Variants in VSTM2A observed in about 807,000 individuals in gnomAD.
The protein encoded by VSTM2A is V-set and transmembrane domain containing 2A.
Under a neutral mutation model 27.3 loss-of-function variants are expected in VSTM2A, and 13 were observed. The ratio of observed to expected loss-of-function variants is 0.48; its 90% CI spans 0.31 to 0.76. VSTM2A has a LOEUF of 0.76. Among genes scored for constraint, VSTM2A ranks in the 30% least tolerant of loss-of-function variants. The probability of loss-of-function intolerance (pLI) is 0.05; values close to 1 mark genes in which losing one functional copy is unlikely to be tolerated. For synonymous variants in VSTM2A, 142 were observed against 125.7 expected (o/e 1.13, Z -0.87); for missense variants, 280 against 310.0 (o/e 0.90, Z 0.73).
At chr7:54,549,749 C>A in intron 3 of VSTM2A, 85 bp from the exon 4 acceptor site, 1 of 1,304,198 alleles carries the variant, frequency 7.7e-7, no homozygotes, top group Non-Finnish European at 1.0e-6. Flanking sequence ...CTTTAACTTT[C>A]CAATATTAGC....
chr7:54,569,167 C>T lies in VSTM2A; in HGVS notation c.671C>T (p.Thr224Ile). The stretch of plus-strand genomic sequence containing the variant: ...TCGCCTGTAAAATCTACGGAGCGGA[C>T]AGCAAAGTTGACCCTAAACTCCAAG... The part of the protein sequence containing the change: ...SKSPVKSTER[T>I]AKLTLNSKHH... Residue 224 changes from threonine (T) to isoleucine (I), a missense_variant, in exon 5 of 5, where the codon ACA (threonine) becomes ATA (isoleucine). By Grantham distance (89) the Thr-to-Ile change is moderately conservative (BLOSUM62 -1). Transcript: ENST00000402613. 2 of 1,552,488 alleles carry T rather than the reference C, an allele frequency of 1.3e-6. No individual in the cohort carries two copies. Among genetic ancestry groups the T allele is most frequent in the Non-Finnish European group, 1.7e-6 (2 of 1,147,250 alleles).
rs1788823237 is a variant in VSTM2A at position 54,569,365 on chromosome 7, A to T, written c.*146A>T. ...TGATAGAACGTTTTCTAATAGCAAG[A>T]TCTATTTTTTCCCTTTTCTTTCGGC... On this transcript the variant is annotated 3_prime_UTR_variant, in exon 5 of 5. Coordinates refer to ENST00000402613, the MANE Select transcript of VSTM2A (RefSeq NM_001301009.2). 2 of 1,385,548 alleles carry T rather than the reference A, an allele frequency of 1.4e-6. No homozygotes were observed. The highest frequency in any genetic ancestry group is 1.9e-6 in the Non-Finnish European group (2 of 1,042,442). 85.8% of individuals were successfully genotyped at this position (1,385,548 alleles called of 1,614,324 possible). A position where few individuals can be genotyped will look rare whatever the true frequency, so the allele number is the denominator to read the frequency against.
At chr7:54,552,684 A>G (rs1788231830) in intron 4 of VSTM2A, among the ~76,000 whole-genome samples, 1 of 152,208 alleles carries the variant, frequency 6.6e-6, no homozygotes, top group Non-Finnish European at 1.5e-5. Flanking sequence ...TGTACATTCC[A>G]TTTATCATCC....
At chr7:54,563,796 C>T (rs1045965869) in intron 4 of VSTM2A, among the ~76,000 whole-genome samples, 7 of 152,166 alleles carry the variant, frequency 4.6e-5, no homozygotes, top group African/African-American at 1.7e-4. Context: ...TACCAGCATG[C>T]CAGGGCACAC....
rs143672480 is a variant in VSTM2A, at chr7:54,553,624, C to T, written c.634+3454C>T. Reference sequence around the variant, plus strand: ...TTGCTGGAGGAGTCAGGGAGGGCAACCTGGAAGAAGGGACTTGGAGGATAG... The same window carrying T: ...TTGCTGGAGGAGTCAGGGAGGGCAATCTGGAAGAAGGGACTTGGAGGATAG... On this transcript the variant is annotated intron_variant, in intron 4 of 4. Coordinates refer to ENST00000402613, the MANE Select transcript of VSTM2A (RefSeq NM_001301009.2). Among the ~76,000 whole-genome samples the T allele has an allele frequency of 6.8e-3, 1,031 of 152,164 alleles. 12 individuals are homozygous for T. The highest frequency in any genetic ancestry group is 0.024 in the African/African-American group (979 of 41,512).
chr7:54,567,978 C>T (rs1788775601), intron 4 of VSTM2A, among the ~76,000 whole-genome samples: 1 of 152,162 alleles, frequency 6.6e-6, no homozygotes, highest in South Asian at 2.1e-4. Flanking sequence ...TAGAGGACCA[C>T]TCTGCAGAGC....
At chr7:54,560,026 A>G (rs1273846616) in intron 4 of VSTM2A, 2 of 152,194 alleles carry the variant, frequency 1.3e-5, no homozygotes, top group East Asian at 1.9e-4. Context: ...CTTTTGTACA[A>G]TGATAATGTA....
At position 54,569,448 on chromosome 7, in the gene VSTM2A, A is replaced by G. The variant is rs765349010; in HGVS notation, c.*229A>G. 2 of 648,760 alleles carry G rather than the reference A, an allele frequency of 3.1e-6. No homozygotes were observed. The highest frequency in any genetic ancestry group is 5.0e-6 in the Non-Finnish European group (2 of 399,834). The allele number at this position is 648,760 out of a possible 1,614,324, so 40.2% of individuals were successfully genotyped here. ...TGGCCTGAATGTCATCAGGATAGGG[A>G]ATATTTACTATGGATACCACTAATT... On this transcript the variant is annotated 3_prime_UTR_variant, in exon 5 of 5. Coordinates refer to ENST00000402613, the MANE Select transcript of VSTM2A (RefSeq NM_001301009.2).
chr7:54,570,667 T>C lies in VSTM2A; in HGVS notation c.*1448T>C, dbSNP rs1359323891. 1 of 152,196 alleles carries C rather than the reference T, an allele frequency of 6.6e-6. No individual in the cohort carries two copies. Among genetic ancestry groups the C allele is most frequent in the East Asian group, 1.9e-4 (1 of 5,192 alleles). The allele number at this position is 152,196 out of a possible 1,614,324, so 9.4% of individuals were successfully genotyped here. A position where few individuals can be genotyped will look rare whatever the true frequency, so the allele number is the denominator to read the frequency against. The stretch of plus-strand genomic sequence containing the variant: ...TTCAGACTATTTTATTTTGAACCTG[T>C]TTTCTACTCTGGCAAAGAAAGATAG... On this transcript the variant is annotated 3_prime_UTR_variant, in exon 5 of 5. Coordinates refer to ENST00000402613, the MANE Select transcript of VSTM2A (RefSeq NM_001301009.2).
chr7:54,546,714 CGGGGAAAGCGCG>C, intron 2 of VSTM2A: 2 of 509,438 alleles, frequency 3.9e-6, no homozygotes, highest in Non-Finnish European at 6.9e-6. Flanking sequence ...GGGACAGCCC[CGGGGAAAGCGCG>C]GGGACGGCGT....
At chr7:54,560,292 A>T (rs573762544) in intron 4 of VSTM2A, among the ~76,000 whole-genome samples, 8 of 152,300 alleles carry the variant, frequency 5.3e-5, no homozygotes, top group Admixed American at 2.0e-4. Flanking sequence ...GTAGCATTGA[A>T]ATTAGGAACT....
At chr7:54,554,110 C>A in intron 4 of VSTM2A, 1 of 1,549,014 alleles carries the variant, frequency 6.5e-7, no homozygotes, top group South Asian at 1.2e-5. Flanking sequence ...CCAAAGCTGT[C>A]ATGCAAGTCA....
chr7:54,545,162 C>T (rs1339085654), intron 2 of VSTM2A, among the ~76,000 whole-genome samples: 1 of 151,592 alleles, frequency 6.6e-6, no homozygotes, highest in Non-Finnish European at 1.5e-5. Context: ...CCACCCCCCA[C>T]CCCACCCCCT....
chr7:54,549,040 T>C (rs1788096302), intron 3 of VSTM2A, among the ~76,000 whole-genome samples: 1 of 150,008 alleles, frequency 6.7e-6, no homozygotes, highest in African/African-American at 2.4e-5. Flanking sequence ...TAATATAAAA[T>C]CATATATCTA....
intron 4 of VSTM2A, among the ~76,000 whole-genome samples, chr7:54,566,535 G>A (rs1056719368): frequency 7.2e-5 from 11 of 152,162 alleles, no homozygotes; most frequent in African/African-American, 2.7e-4. Context: ...AAATGGACAG[G>A]CAATTATCTG....
chr7:54,544,472 A>G, intron 1 of VSTM2A, 150 bp from the exon 2 acceptor site: 1 of 908,370 alleles, frequency 1.1e-6, no homozygotes, highest in Non-Finnish European at 1.7e-6. Context: ...AGGCAAAGGA[A>G]GGGGGCTGGG....
intron 4 of VSTM2A, chr7:54,553,968 A>G (rs1045922411): frequency 6.4e-7 from 1 of 1,551,702 alleles, no homozygotes; most frequent in South Asian, 1.2e-5. Flanking sequence ...CCCCCTTCCC[A>G]CCTTCCCAAC....
chr7:54,549,377 A>G (rs906663976), intron 3 of VSTM2A, among the ~76,000 whole-genome samples: 3 of 152,194 alleles, frequency 2.0e-5, no homozygotes, highest in Non-Finnish European at 4.4e-5. Context: ...GTGCATTCTC[A>G]CTCAAACTCA....
rs933959593 is a variant in VSTM2A, at chr7:54,570,458, G to A, written c.*1239G>A. 3 of 151,974 alleles carry A rather than the reference G, an allele frequency of 2.0e-5. No individual in the cohort carries two copies. The highest frequency in any genetic ancestry group is 6.6e-5 in the Admixed American group (1 of 15,238). The allele number at this position is 151,974 out of a possible 1,614,324, so 9.4% of individuals were successfully genotyped here. A position where few individuals can be genotyped will look rare whatever the true frequency, so the allele number is the denominator to read the frequency against. On this transcript the variant is annotated 3_prime_UTR_variant, in exon 5 of 5. Transcript: ENST00000402613. ...GTCATTCTGTTACCTTTGTCATTCTGTTATTTGCGCTAATTATATTTTAAT... is the reference window on the plus strand; with the variant it reads ...GTCATTCTGTTACCTTTGTCATTCTATTATTTGCGCTAATTATATTTTAAT...
Sources: gnomAD v4.1 joint callset for allele counts (sites outside exome capture counted in the v4.1 genomes callset) on GRCh38, gnomAD v4.1.1 for gene constraint, MANE v1.5 for transcripts, NCBI Gene and HGNC (gene_info 2026-07-23, HGNC 2026-07-21) for gene names.